RNF217: variants seen among roughly 807,000 people sequenced by gnomAD.
RNF217 encodes ring finger protein 217.
In RNF217, 31 loss-of-function variants were observed where a neutral mutation model predicts 57.8. The observed-to-expected ratio is 0.54, with a 90% CI of 0.40 to 0.72. The LOEUF is 0.72. Among genes scored for constraint, RNF217 ranks in the 30% least tolerant of loss-of-function variants. The pLI is 0.00. For synonymous variants in RNF217, 313 were observed against 294.0 expected (o/e 1.06, Z -0.66); for missense variants, 696 against 708.3 (o/e 0.98, Z 0.20).
At chr6:125,023,415 T>C (rs1785930390) in intron 1 of RNF217, among the ~76,000 whole-genome samples, 1 of 152,054 alleles carries the variant, frequency 6.6e-6, no homozygotes, top group South Asian at 2.1e-4. Flanking sequence ...AGTTGTATGA[T>C]CAGACTTGTG....
At chr6:124,975,176 ACT>A (rs1295453593) in intron 1 of RNF217, among the ~76,000 whole-genome samples, 1 of 152,264 alleles carries the variant, frequency 6.6e-6, no homozygotes, top group East Asian at 1.9e-4. Flanking sequence ...TATTGGCCAC[ACT>A]CAGTATTCAT....
chr6:125,065,744 T>G (rs1787910093), intron 3 of RNF217, among the ~76,000 whole-genome samples: 1 of 152,172 alleles, frequency 6.6e-6, no homozygotes, highest in South Asian at 2.1e-4. Context: ...TTCATTTCTT[T>G]TCAGGTTTTA....
intron 3 of RNF217, among the ~76,000 whole-genome samples, chr6:125,060,723 G>A (rs1168106956): frequency 2.6e-5 from 4 of 152,066 alleles, no homozygotes; most frequent in African/African-American, 4.8e-5. Context: ...GGAATTACAG[G>A]TATGAGCCAC....
rs117564762 is a variant in RNF217, at chr6:125,015,117, A to G, written c.883-30094A>G. ...TCACTTAGAAGTTTCATTGATACCAATGTGTATGCTATCTGGTTTTTATCT... is the reference window on the plus strand; with the variant it reads ...TCACTTAGAAGTTTCATTGATACCAGTGTGTATGCTATCTGGTTTTTATCT... On this transcript the variant is annotated intron_variant, in intron 1 of 5. Coordinates refer to ENST00000521654, the MANE Select transcript of RNF217 (RefSeq NM_001286398.3). Among the ~76,000 whole-genome samples the G allele has an allele frequency of 4.5e-3, 684 of 152,286 alleles. 2 individuals are homozygous for G. Among genetic ancestry groups the G allele is most frequent in the Non-Finnish European group, 7.8e-3 (534 of 68,028 alleles).
At chr6:125,008,235 G>A (rs1297180649) in intron 1 of RNF217, among the ~76,000 whole-genome samples, 1 of 150,864 alleles carries the variant, frequency 6.6e-6, no homozygotes, top group East Asian at 1.9e-4. Context: ...CAGCCTGGGT[G>A]ACAGAATAAG....
intron 3 of RNF217, among the ~76,000 whole-genome samples, chr6:125,058,388 C>G (rs1175289951): frequency 6.6e-6 from 1 of 151,996 alleles, no homozygotes; most frequent in African/African-American, 2.4e-5. Flanking sequence ...TGAGGATGTA[C>G]TTTATAGGAA....
chr6:125,054,295 G>C (rs571171425), intron 2 of RNF217, among the ~76,000 whole-genome samples: 1 of 152,180 alleles, frequency 6.6e-6, no homozygotes, highest in Admixed American at 6.5e-5. Context: ...GAAATGTACT[G>C]TTTCTTGGGC....
intron 1 of RNF217, among the ~76,000 whole-genome samples, chr6:124,994,276 C>T (rs1425738296): frequency 6.6e-6 from 1 of 152,086 alleles, no homozygotes; most frequent in South Asian, 2.1e-4. Context: ...TATTTTGTTG[C>T]GTATCTATTC....
chr6:125,079,684 T>G (rs2114651116), intron 4 of RNF217, among the ~76,000 whole-genome samples: 1 of 152,284 alleles, frequency 6.6e-6, no homozygotes, highest in South Asian at 2.1e-4. Flanking sequence ...TGTACAATTC[T>G]TTTGCAAAGA....
At chr6:124,966,566 T>A (rs1322552218) in intron 1 of RNF217, among the ~76,000 whole-genome samples, 1 of 152,232 alleles carries the variant, frequency 6.6e-6, no homozygotes, top group African/African-American at 2.4e-5. Flanking sequence ...TTTCCACCAT[T>A]TCTTTTAGTT....
chr6:125,056,491 C>T (rs867311930), intron 2 of RNF217, among the ~76,000 whole-genome samples: 1 of 152,132 alleles, frequency 6.6e-6, no homozygotes, highest in East Asian at 1.9e-4. Context: ...AGTACTTTTA[C>T]TTCATAGTTG....
At chr6:124,976,560 G>A (rs1024896847) in intron 1 of RNF217, among the ~76,000 whole-genome samples, 30 of 145,620 alleles carry the variant, frequency 2.1e-4, no homozygotes, top group Non-Finnish European at 3.6e-4. Flanking sequence ...GAGCCACCAC[G>A]CTTGGCCTAT....
At position 125,045,292 on chromosome 6, in the gene RNF217, T is replaced by C; in HGVS notation, c.964T>C (p.Leu322=). The change falls in exon 2 of 6, where the codon TTA becomes CTA. Residue 322 remains leucine, a synonymous_variant. Transcript: ENST00000521654. The part of the protein sequence containing the change: ...FLEETTVVYN[L]THEDSIKYKY... ...GGAAGAAACAACTGTTGTCTATAAC[T>C]TAACGCATGAAGACTCCATCAAGTA... The C allele has an allele frequency of 6.2e-7, 1 of 1,613,408 alleles. No individual in the cohort carries two copies. The highest frequency in any genetic ancestry group is 8.5e-7 in the Non-Finnish European group (1 of 1,179,586).
chr6:125,075,048 T>C (rs1788311495), intron 3 of RNF217, among the ~76,000 whole-genome samples: 1 of 152,200 alleles, frequency 6.6e-6, no homozygotes, highest in African/African-American at 2.4e-5. Flanking sequence ...CTACTCCAAG[T>C]GCAAGCTTGT....
At chr6:124,982,406 G>A (rs1014952093) in intron 1 of RNF217, among the ~76,000 whole-genome samples, 2 of 151,928 alleles carry the variant, frequency 1.3e-5, no homozygotes, top group African/African-American at 2.4e-5. Flanking sequence ...ATTTCATAGG[G>A]TAATACAAGA....
intron 1 of RNF217, among the ~76,000 whole-genome samples, chr6:124,988,630 C>T (rs573408341): frequency 6.6e-6 from 1 of 152,330 alleles, no homozygotes; most frequent in South Asian, 2.1e-4. Flanking sequence ...TTCTATCCTA[C>T]ATTTTTGCCA....
intron 1 of RNF217, among the ~76,000 whole-genome samples, chr6:125,007,478 C>G (rs909605364): frequency 6.6e-6 from 1 of 151,996 alleles, no homozygotes; most frequent in African/African-American, 2.4e-5. Context: ...AACTCCCGAC[C>G]TCAGGTGATC....
intron 1 of RNF217, among the ~76,000 whole-genome samples, chr6:125,010,578 A>G (rs1785378875): frequency 6.6e-6 from 1 of 152,224 alleles, no homozygotes; most frequent in Non-Finnish European, 1.5e-5. Context: ...AATGTGCTTC[A>G]GTTTAAACAA....
At chr6:125,014,152 G>T (rs769183733) in intron 1 of RNF217, among the ~76,000 whole-genome samples, 1 of 152,074 alleles carries the variant, frequency 6.6e-6, no homozygotes, top group Non-Finnish European at 1.5e-5. Context: ...CCCTGGAGTT[G>T]GTCAGAATGG....
Sources: allele counts gnomAD v4.1 joint callset (sites outside exome capture counted in the v4.1 genomes callset), GRCh38; gene constraint gnomAD v4.1.1; transcripts MANE v1.5; gene names NCBI Gene and HGNC (gene_info 2026-07-23, HGNC 2026-07-21).